The following PCDHGB1 variants were observed in gnomAD, a reference collection of about 807,000 sequenced individuals.
The protein encoded by PCDHGB1 is protocadherin gamma-B1.
In PCDHGB1, 34 loss-of-function variants were observed where a neutral mutation model predicts 56.6. That is an observed-to-expected ratio of 0.60 (90% CI 0.46 to 0.80). The LOEUF (loss-of-function observed/expected upper bound fraction) is 0.80, where lower values mean the gene tolerates loss of function less well. Among genes scored for constraint, PCDHGB1 ranks in the 30% least tolerant of loss-of-function variants. The pLI is 0.00. For synonymous variants in PCDHGB1, 561 were observed against 505.9 expected (o/e 1.11, Z -1.46); for missense variants, 1,278 against 1,204.6 (o/e 1.06, Z -0.90).
intron 1 of PCDHGB1, chr5:141,395,341 G>T: frequency 7.1e-7 from 1 of 1,409,696 alleles, no homozygotes; most frequent in Non-Finnish European, 9.4e-7. Flanking sequence ...AATTTTTAAG[G>T]TGTATCACAG....
intron 1 of PCDHGB1, chr5:141,370,134 T>G: frequency 2.5e-6 from 1 of 405,930 alleles, no homozygotes; most frequent in Non-Finnish European, 4.3e-6. Context: ...TTGGAGCTGA[T>G]TTAGTCACCA....
At chr5:141,420,215 A>G in intron 1 of PCDHGB1, 2 of 1,612,096 alleles carry the variant, frequency 1.2e-6, no homozygotes, top group South Asian at 1.1e-5. Context: ...CAAAGATAGC[A>G]TGCTACTGGC....
chr5:141,398,684 A>G (rs752285568), intron 1 of PCDHGB1: 1 of 1,613,958 alleles, frequency 6.2e-7, no homozygotes, highest in Admixed American at 1.7e-5. Context: ...AAGGAGAAAC[A>G]GGATGGTAGT....
At chr5:141,452,370 G>A (rs2098739834) in intron 1 of PCDHGB1, among the ~76,000 whole-genome samples, 1 of 152,136 alleles carries the variant, frequency 6.6e-6, no homozygotes, top group Non-Finnish European at 1.5e-5. Flanking sequence ...CTTCATTTTA[G>A]TAGGGAATAG....
intron 1 of PCDHGB1, among the ~76,000 whole-genome samples, chr5:141,453,101 T>TTTTTG (rs879618609): frequency 3.2e-4 from 49 of 152,130 alleles, no homozygotes; most frequent in Middle Eastern, 6.8e-3. Flanking sequence ...TTCTGTTGCT[T>TTTTTG]TTTTGTTTTG....
intron 2 of PCDHGB1, among the ~76,000 whole-genome samples, chr5:141,501,942 C>T (rs1012840550): frequency 2.6e-5 from 4 of 152,136 alleles, no homozygotes; most frequent in Non-Finnish European, 4.4e-5. Context: ...CACCACTGCT[C>T]CCTGTGACAG....
At chr5:141,417,949 TGA>T (rs2096196504) in intron 1 of PCDHGB1, 1 of 1,613,400 alleles carries the variant, frequency 6.2e-7, no homozygotes, top group Non-Finnish European at 8.5e-7. Context: ...CCACGCTGTG[TGA>T]GCCGATCCGC....
Position 141,476,140 on chromosome 5 carries a change from C to G in PCDHGB1, c.2410-18667C>G. On this transcript the variant is annotated intron_variant, in intron 1 of 3. Coordinates refer to ENST00000523390, the MANE Select transcript of PCDHGB1 (RefSeq NM_018922.3). This position sits in a 1 kb window ranked among gnomAD's most constrained non-coding sequence, Gnocchi z 7.6. ...AGATGGTCCCAGAGGCCTGGAGGAGCGGACTGGTAAGCACCGGGAGGGTAG... is the reference window on the plus strand; with the variant it reads ...AGATGGTCCCAGAGGCCTGGAGGAGGGGACTGGTAAGCACCGGGAGGGTAG... The G allele has an allele frequency of 2.5e-6, 4 of 1,609,222 alleles. No individual in the cohort carries two copies. Among genetic ancestry groups the G allele is most frequent in the Non-Finnish European group, 1.7e-6 (2 of 1,178,484 alleles).
intron 1 of PCDHGB1, chr5:141,370,610 G>T (rs547118708): frequency 1.9e-6 from 3 of 1,613,986 alleles, no homozygotes; most frequent in Middle Eastern, 1.6e-4. Context: ...TTGCAGAGAA[G>T]AAATTCTTTA....
In PCDHGB1 at chr5:141,397,217, T is replaced by C. The variant is rs534809290; in HGVS notation, c.2409+44548T>C. On this transcript the variant is annotated intron_variant, in intron 1 of 3. Transcript: ENST00000523390. The stretch of plus-strand genomic sequence containing the variant: ...AAAGATATGACATAAGAGAAGTATT[T>C]TGAGATATGAAGAAGAGCAACGTAG... Among the ~76,000 whole-genome samples, 15 of 152,296 alleles carry C rather than the reference T, an allele frequency of 9.8e-5. No individual in the cohort carries two copies. In the East Asian group the frequency reaches 2.5e-3, roughly 25 times the overall value.
At chr5:141,430,715 A>T in intron 1 of PCDHGB1, 1 of 1,483,384 alleles carries the variant, frequency 6.7e-7, no homozygotes, top group Non-Finnish European at 8.9e-7. Context: ...TCCTGACTTC[A>T]GTGGTTAAGG....
At chr5:141,362,716 C>G (rs1286342782) in intron 1 of PCDHGB1, 6 of 905,252 alleles carry the variant, frequency 6.6e-6, no homozygotes, top group Non-Finnish European at 9.7e-6. Flanking sequence ...TGTTTTCTCT[C>G]TGAAGTGTGA....
At position 141,477,886 on chromosome 5, in the gene PCDHGB1, G is replaced by A. The variant is rs2099422999; in HGVS notation, c.2410-16921G>A. 2 of 1,614,188 alleles carry A rather than the reference G, an allele frequency of 1.2e-6. No homozygotes were observed. The highest frequency in any genetic ancestry group is 1.7e-6 in the Non-Finnish European group (2 of 1,180,040). ...GAGGTACCTCAGCTGGCCACCTAGT[G>A]TCACGGGTGGTAGGCTGGGACGCGG... On this transcript the variant is annotated intron_variant, in intron 1 of 3. Transcript: ENST00000523390. The surrounding 1 kb of genome is among the most constrained non-coding windows in gnomAD (Gnocchi z 4.9).
intron 1 of PCDHGB1, among the ~76,000 whole-genome samples, chr5:141,473,057 A>G (rs2099313037): frequency 2.6e-5 from 4 of 152,056 alleles, no homozygotes; most frequent in Non-Finnish European, 5.9e-5. Flanking sequence ...AAGTGATACA[A>G]CAAGTTACAG....
rs769652961 is a variant in PCDHGB1, at chr5:141,489,435, A to G, written c.2410-5372A>G. ...CAGATCTGTTGAGCCGGCGGCTGCAATTGGGCTCTGAGGAGAATGGGCGCT... is the reference window on the plus strand; with the variant it reads ...CAGATCTGTTGAGCCGGCGGCTGCAGTTGGGCTCTGAGGAGAATGGGCGCT... On this transcript the variant is annotated intron_variant, in intron 1 of 3. Coordinates refer to ENST00000523390, the MANE Select transcript of PCDHGB1 (RefSeq NM_018922.3). This position sits in a 1 kb window ranked among gnomAD's most constrained non-coding sequence, Gnocchi z 4.5. 2 of 1,614,138 alleles carry G rather than the reference A, an allele frequency of 1.2e-6. No homozygotes were observed. The highest frequency in any genetic ancestry group is 1.7e-6 in the Non-Finnish European group (2 of 1,180,024).
At chr5:141,406,025 G>A (rs1367856742) in intron 1 of PCDHGB1, among the ~76,000 whole-genome samples, 1 of 151,502 alleles carries the variant, frequency 6.6e-6, no homozygotes, top group Non-Finnish European at 1.5e-5. Flanking sequence ...TTTTGGGTAG[G>A]GTTGCTTCAT....
chr5:141,487,813 TG>T lies in PCDHGB1; in HGVS notation c.2410-6989del. 7.2e-7 allele frequency: 1 copy of T among 1,384,138 alleles called. No homozygotes were observed. 85.7% of individuals were successfully genotyped at this position (1,384,138 alleles called of 1,614,324 possible). A position where few individuals can be genotyped will look rare whatever the true frequency, so the allele number is the denominator to read the frequency against. On this transcript the variant is annotated intron_variant, in intron 1 of 3. Transcript: ENST00000523390. This position sits in a 1 kb window ranked among gnomAD's most constrained non-coding sequence, Gnocchi z 5.0. Reference sequence around the variant, plus strand: ...AACCAGAGTTGTCACAGTTTAGCATTGGGGGCGGGTCATGCCTATATCTGAG... The same window carrying T: ...AACCAGAGTTGTCACAGTTTAGCATTGGGGCGGGTCATGCCTATATCTGAG...
intron 1 of PCDHGB1, chr5:141,370,727 A>G: frequency 6.2e-7 from 1 of 1,613,856 alleles, no homozygotes; most frequent in Non-Finnish European, 8.5e-7. Context: ...TGGTTGCTGA[A>G]AAGCCTTTAA....
intron 1 of PCDHGB1, chr5:141,413,731 G>A (rs1008251304): frequency 6.2e-7 from 1 of 1,613,454 alleles, no homozygotes; most frequent in South Asian, 1.1e-5. Context: ...CTCCCTAAGA[G>A]TTCAGAGCCG....
Sources: allele counts gnomAD v4.1 joint callset (sites outside exome capture counted in the v4.1 genomes callset), GRCh38; gene constraint gnomAD v4.1.1; non-coding constraint Gnocchi (gnomAD v3.1); transcripts MANE v1.5; gene names NCBI Gene and HGNC (gene_info 2026-07-23, HGNC 2026-07-21).